Variants in SLC44A5 observed in about 807,000 individuals in gnomAD.
SLC44A5 encodes the protein solute carrier family 44 member 5, also known as choline transporter-like protein 5.
Under a neutral mutation model 101.8 loss-of-function variants are expected in SLC44A5, and 57 were observed. The ratio of observed to expected loss-of-function variants is 0.56; its 90% CI spans 0.45 to 0.70. The LOEUF (loss-of-function observed/expected upper bound fraction) is 0.70, where lower values mean the gene tolerates loss of function less well. Among genes scored for constraint, SLC44A5 ranks in the 30% least tolerant of loss-of-function variants. The probability of loss-of-function intolerance (pLI) is 0.00; values close to 1 mark genes in which losing one functional copy is unlikely to be tolerated. For synonymous variants in SLC44A5, 281 were observed against 290.9 expected (o/e 0.97, Z 0.35); for missense variants, 737 against 853.1 (o/e 0.86, Z 1.70).
At chr1:75,588,545 T>C (rs1454730602) in intron 1 of SLC44A5, among the ~76,000 whole-genome samples, 1 of 151,446 alleles carries the variant, frequency 6.6e-6, no homozygotes, top group African/African-American at 2.4e-5. Flanking sequence ...AAAAAGAAAA[T>C]GGTTAGGTTC....
chr1:75,222,559 C>A, intron 13 of SLC44A5, 99 bp from the exon 14 acceptor site: 1 of 673,302 alleles, frequency 1.5e-6, no homozygotes, highest in Non-Finnish European at 2.6e-6. Flanking sequence ...TTATTTCTGC[C>A]AATTCTGACA....
chr1:75,689,273 A>G, the SLC44A5 span, among the ~76,000 whole-genome samples: 1 of 152,042 alleles, frequency 6.6e-6, no homozygotes, highest in African/African-American at 2.4e-5. Context: ...AATCCCATTC[A>G]AGTCCTAAAC....
intron 4 of SLC44A5, among the ~76,000 whole-genome samples, chr1:75,320,138 A>G (rs115836365): frequency 1.7e-3 from 265 of 152,278 alleles, no homozygotes; most frequent in African/African-American, 6.2e-3. Flanking sequence ...CTAAGCTTAT[A>G]GTGTAATATG....
intron 2 of SLC44A5, among the ~76,000 whole-genome samples, chr1:75,522,716 C>A (rs1224620354): frequency 6.6e-6 from 1 of 152,192 alleles, no homozygotes; most frequent in African/African-American, 2.4e-5. Context: ...GCTTGAAGGA[C>A]TTTCTTATTA....
At chr1:75,399,211 C>A (rs991789596) in intron 2 of SLC44A5, among the ~76,000 whole-genome samples, 3 of 151,996 alleles carry the variant, frequency 2.0e-5, no homozygotes, top group Non-Finnish European at 2.9e-5. Context: ...TAATCAAGCA[C>A]AGCATCACTA....
the SLC44A5 span, among the ~76,000 whole-genome samples, chr1:75,662,701 C>T: frequency 6.6e-6 from 1 of 151,836 alleles, no homozygotes; most frequent in Admixed American, 6.6e-5. Flanking sequence ...AGGGTTTTTG[C>T]CTTTCACAAT....
intron 2 of SLC44A5, among the ~76,000 whole-genome samples, chr1:75,426,705 C>T (rs989286356): frequency 1.3e-5 from 2 of 152,224 alleles, no homozygotes; most frequent in Admixed American, 1.3e-4. Flanking sequence ...GACTCACTTT[C>T]CTAAGCTCTT....
the SLC44A5 span, among the ~76,000 whole-genome samples, chr1:75,616,471 C>T: frequency 1.2e-3 from 176 of 152,330 alleles, 1 homozygote; most frequent in African/African-American, 4.0e-3. Flanking sequence ...GAAGCCCCCT[C>T]TCAAAAGGCC....
the SLC44A5 span, among the ~76,000 whole-genome samples, chr1:75,628,699 C>T: frequency 6.6e-6 from 1 of 152,036 alleles, no homozygotes; most frequent in Admixed American, 6.6e-5. Flanking sequence ...AAAATTGTAG[C>T]CATCAAAGAA....
intron 2 of SLC44A5, among the ~76,000 whole-genome samples, chr1:75,457,381 C>T (rs1666247035): frequency 6.6e-6 from 1 of 152,054 alleles, no homozygotes; most frequent in Admixed American, 6.6e-5. Flanking sequence ...TCTATCCTAA[C>T]ATCATGGGAA....
At chr1:75,714,317 T>C in the SLC44A5 span, among the ~76,000 whole-genome samples, 4 of 152,102 alleles carry the variant, frequency 2.6e-5, no homozygotes, top group Non-Finnish European at 1.5e-5. Context: ...AAAGTCTTGA[T>C]AAAAGTCAAC....
At chr1:75,480,923 C>G (rs1484060488) in intron 2 of SLC44A5, among the ~76,000 whole-genome samples, 1 of 152,012 alleles carries the variant, frequency 6.6e-6, no homozygotes, top group Non-Finnish European at 1.5e-5. Flanking sequence ...CATATGGAAC[C>G]AAAAAAGAGC....
chr1:75,613,274 T>A (rs1675734586), upstream of SLC44A5, among the ~76,000 whole-genome samples: 1 of 152,220 alleles, frequency 6.6e-6, no homozygotes, highest in South Asian at 2.1e-4. Context: ...CCCAGTAGCC[T>A]GCCCCTGCCA....
chr1:75,441,293 T>C (rs1196450482), intron 2 of SLC44A5, among the ~76,000 whole-genome samples: 1 of 152,138 alleles, frequency 6.6e-6, no homozygotes, highest in South Asian at 2.1e-4. Context: ...ATATTCAGCA[T>C]TCCTGAACTC....
At chr1:75,481,254 C>G (rs1028856689) in intron 2 of SLC44A5, among the ~76,000 whole-genome samples, 2 of 152,194 alleles carry the variant, frequency 1.3e-5, no homozygotes, top group African/African-American at 4.8e-5. Context: ...AAAATTAATT[C>G]AAGATGGATT....
chr1:75,539,576 C>T (rs146640964), intron 2 of SLC44A5, among the ~76,000 whole-genome samples: 2 of 141,432 alleles, frequency 1.4e-5, no homozygotes, highest in African/African-American at 2.6e-5. Context: ...TCATTCCCTG[C>T]GTATGTAAAA....
At chr1:75,681,621 G>A in the SLC44A5 span, among the ~76,000 whole-genome samples, 1 of 150,474 alleles carries the variant, frequency 6.6e-6, no homozygotes, top group East Asian at 1.9e-4. Flanking sequence ...AATAATAAGA[G>A]CTATCTATGA....
the SLC44A5 span, among the ~76,000 whole-genome samples, chr1:75,638,348 T>C: frequency 1.3e-5 from 2 of 152,104 alleles, no homozygotes; most frequent in African/African-American, 2.4e-5. Context: ...ATAGCTATTT[T>C]ATAACCTGAA....
At chr1:75,672,289 T>C in the SLC44A5 span, among the ~76,000 whole-genome samples, 1 of 152,062 alleles carries the variant, frequency 6.6e-6, no homozygotes, top group African/African-American at 2.4e-5. Context: ...CTGTGTACTT[T>C]GGGGAGGGAA....
Sources: gnomAD v4.1 joint callset for allele counts (sites outside exome capture counted in the v4.1 genomes callset) on GRCh38, gnomAD v4.1.1 for gene constraint, MANE v1.5 for transcripts, NCBI Gene and HGNC (gene_info 2026-07-23, HGNC 2026-07-21) for gene names.